The following SPAG16 variants were observed in gnomAD, a reference collection of about 807,000 sequenced individuals.
SPAG16 encodes the protein sperm associated antigen 16.
Under a neutral mutation model 80.4 loss-of-function variants are expected in SPAG16, and 86 were observed. That is an observed-to-expected ratio of 1.07 (90% CI 0.90 to 1.28). The LOEUF is 1.28. Among genes scored for constraint, SPAG16 ranks in the 50% most tolerant of loss-of-function variants. SPAG16 has a pLI of 0.00. For missense variants in SPAG16, 870 were observed against 765.3 expected (o/e 1.14, Z -1.61); for synonymous variants, 294 against 265.9 (o/e 1.11, Z -1.03).
At chr2:213,550,299 A>G (rs2076742718) in intron 10 of SPAG16, among the ~76,000 whole-genome samples, 1 of 151,832 alleles carries the variant, frequency 6.6e-6, no homozygotes, top group African/African-American at 2.4e-5. Flanking sequence ...GGTTATTTAT[A>G]TTCAAAGTCC....
At chr2:213,767,655 T>TCACACACACACACACACACACACA (rs3220937) in intron 10 of SPAG16, among the ~76,000 whole-genome samples, 1 of 147,666 alleles carries the variant, frequency 6.8e-6, no homozygotes, top group African/African-American at 2.5e-5. Context: ...ACAACATACT[T>TCACACACACACACACACACACACA]CACACACACA....
intron 11 of SPAG16, among the ~76,000 whole-genome samples, chr2:213,888,468 C>T (rs1047022781): frequency 6.6e-6 from 1 of 151,592 alleles, no homozygotes; most frequent in Non-Finnish European, 1.5e-5. Flanking sequence ...TGATGACTGA[C>T]AGTACAAGAG....
chr2:214,094,870 T>C (rs745493732), intron 13 of SPAG16, among the ~76,000 whole-genome samples: 30 of 152,052 alleles, frequency 2.0e-4, no homozygotes, highest in Non-Finnish European at 3.2e-4. Context: ...ACACTTAAAC[T>C]ACGTCCCAGG....
intron 10 of SPAG16, among the ~76,000 whole-genome samples, chr2:213,747,282 C>A (rs2067870879): frequency 1.3e-5 from 2 of 151,938 alleles, no homozygotes; most frequent in African/African-American, 2.4e-5. Context: ...AGTGTTATTT[C>A]AAAAGAACAA....
chr2:213,637,826 G>A (rs190170953), intron 10 of SPAG16, among the ~76,000 whole-genome samples: 4 of 152,152 alleles, frequency 2.6e-5, no homozygotes, highest in South Asian at 2.1e-4. Context: ...GGCTAATCTC[G>A]GCTCACGGCA....
At chr2:213,320,113 A>G (rs1335753572) in intron 5 of SPAG16, among the ~76,000 whole-genome samples, 1 of 152,002 alleles carries the variant, frequency 6.6e-6, no homozygotes, top group African/African-American at 2.4e-5. Context: ...GTGCTTTCAC[A>G]GCACATTTTA....
At chr2:214,011,916 T>A (rs941590918) in intron 12 of SPAG16, among the ~76,000 whole-genome samples, 1 of 152,174 alleles carries the variant, frequency 6.6e-6, no homozygotes, top group African/African-American at 2.4e-5. Context: ...TTACAGTTCA[T>A]ATGTGCTGTA....
At chr2:213,831,266 C>G (rs1041128983) in intron 10 of SPAG16, among the ~76,000 whole-genome samples, 1 of 151,902 alleles carries the variant, frequency 6.6e-6, no homozygotes, top group Non-Finnish European at 1.5e-5. Context: ...TCTCGAACTC[C>G]TGACCTCGTG....
intron 10 of SPAG16, among the ~76,000 whole-genome samples, chr2:213,851,422 C>T (rs537292888): frequency 6.6e-6 from 1 of 152,244 alleles, no homozygotes; most frequent in South Asian, 2.1e-4. Flanking sequence ...GCAGGAGAAT[C>T]ACTTTAACCC....
chr2:213,854,984 A>G (rs2105920886), intron 10 of SPAG16, among the ~76,000 whole-genome samples: 1 of 152,358 alleles, frequency 6.6e-6, no homozygotes. Flanking sequence ...GTTACAACAG[A>G]TAACATATGG....
chr2:213,976,890 C>G (rs1293763115), intron 12 of SPAG16, among the ~76,000 whole-genome samples: 1 of 152,036 alleles, frequency 6.6e-6, no homozygotes, highest in Non-Finnish European at 1.5e-5. Context: ...CTGACACCTT[C>G]ATTTCAGCCT....
At chr2:214,384,114 C>CTGTT (rs1700615714) in intron 15 of SPAG16, among the ~76,000 whole-genome samples, 1 of 152,294 alleles carries the variant, frequency 6.6e-6, no homozygotes, top group Admixed American at 6.5e-5. Flanking sequence ...AAAACCAAAT[C>CTGTT]TGTTTTTTAA....
intron 10 of SPAG16, among the ~76,000 whole-genome samples, chr2:213,569,817 T>C (rs934506291): frequency 1.5e-5 from 2 of 133,490 alleles, no homozygotes; most frequent in Non-Finnish European, 1.5e-5. Flanking sequence ...ATGGTACCAG[T>C]TCCTCCATGT....
intron 10 of SPAG16, among the ~76,000 whole-genome samples, chr2:213,681,117 G>T (rs6755913): frequency 0.27 from 41,287 of 151,996 alleles, 6,420 homozygotes; most frequent in Middle Eastern, 0.41. Context: ...ATTGTCTCCT[G>T]GACCTGGAAA....
intron 11 of SPAG16, among the ~76,000 whole-genome samples, chr2:213,890,914 A>G (rs916083290): frequency 6.6e-6 from 1 of 152,166 alleles, no homozygotes; most frequent in South Asian, 2.1e-4. Flanking sequence ...ATTTTTCTCT[A>G]TGAGCATACA....
chr2:213,701,543 G>T (rs559158138), intron 10 of SPAG16, among the ~76,000 whole-genome samples: 1 of 152,166 alleles, frequency 6.6e-6, no homozygotes, highest in South Asian at 2.1e-4. Context: ...CTCTGCTTGT[G>T]GGGAGGTGTG....
At chr2:213,578,084 A>G (rs2060187754) in intron 10 of SPAG16, among the ~76,000 whole-genome samples, 2 of 151,988 alleles carry the variant, frequency 1.3e-5, no homozygotes, top group Admixed American at 6.6e-5. Context: ...GGAAATGTGT[A>G]TGTTTTAAAA....
intron 13 of SPAG16, among the ~76,000 whole-genome samples, chr2:214,085,244 T>A (rs1366239607): frequency 6.6e-6 from 1 of 151,926 alleles, no homozygotes; most frequent in Admixed American, 6.6e-5. Context: ...TGGTGGTGCC[T>A]TCCTGTAGTC....
intron 10 of SPAG16, among the ~76,000 whole-genome samples, chr2:213,643,962 G>A (rs916092226): frequency 6.6e-6 from 1 of 150,562 alleles, no homozygotes; most frequent in Non-Finnish European, 1.5e-5. Context: ...TGTATTTTTA[G>A]TAGAGATGGA....
Sources: gnomAD v4.1 joint callset for allele counts (sites outside exome capture counted in the v4.1 genomes callset) on GRCh38, gnomAD v4.1.1 for gene constraint, MANE v1.5 for transcripts, NCBI Gene and HGNC (gene_info 2026-07-23, HGNC 2026-07-21) for gene names.